Variants in CNTNAP5 observed in about 807,000 individuals in gnomAD.
CNTNAP5 encodes contactin associated protein family member 5.
CNTNAP5 carries 72 observed loss-of-function variants against 150.2 expected under a neutral mutation model. That is an observed-to-expected ratio of 0.48 (90% CI 0.40 to 0.58). The LOEUF is 0.58. Among genes scored for constraint, CNTNAP5 ranks in the 20% least tolerant of loss-of-function variants. The probability of loss-of-function intolerance (pLI) is 0.00; values close to 1 mark genes in which losing one functional copy is unlikely to be tolerated. For missense variants in CNTNAP5, 1,636 were observed against 1,626.2 expected (o/e 1.01, Z -0.10); for synonymous variants, 672 against 619.8 (o/e 1.08, Z -1.25).
At chr2:124,532,372 G>A (rs1454040763) in intron 10 of CNTNAP5, among the ~76,000 whole-genome samples, 2 of 152,154 alleles carry the variant, frequency 1.3e-5, no homozygotes, top group African/African-American at 4.8e-5. Flanking sequence ...GGGTCTGAGT[G>A]GAGTAAGGTG....
At chr2:124,224,212 A>G (rs1386152562) in intron 2 of CNTNAP5, among the ~76,000 whole-genome samples, 1 of 152,130 alleles carries the variant, frequency 6.6e-6, no homozygotes, top group Non-Finnish European at 1.5e-5. Context: ...CATTGGAGGA[A>G]TTCATGAGTA....
chr2:124,041,785 T>A (rs576466499), intron 1 of CNTNAP5, among the ~76,000 whole-genome samples: 8 of 152,236 alleles, frequency 5.3e-5, no homozygotes, highest in South Asian at 2.1e-4. Context: ...TAGCTCAAAA[T>A]GTGAAGATAA....
At chr2:124,611,639 C>T (rs1677386921) in intron 12 of CNTNAP5, among the ~76,000 whole-genome samples, 1 of 152,092 alleles carries the variant, frequency 6.6e-6, no homozygotes, top group Admixed American at 6.6e-5. Flanking sequence ...TTTCCCAGCC[C>T]CAGAAATTCC....
intron 22 of CNTNAP5, among the ~76,000 whole-genome samples, chr2:124,909,662 C>A (rs183474679): frequency 6.6e-6 from 1 of 150,756 alleles, no homozygotes; most frequent in African/African-American, 2.4e-5. Context: ...TTCTTTCTTT[C>A]CTCCTTGTCT....
At chr2:124,123,817 C>T (rs1047156891) in intron 1 of CNTNAP5, among the ~76,000 whole-genome samples, 2 of 152,154 alleles carry the variant, frequency 1.3e-5, no homozygotes, top group African/African-American at 4.8e-5. Flanking sequence ...CTCCAGCAAA[C>T]TCCAACAGAC....
intron 3 of CNTNAP5, among the ~76,000 whole-genome samples, chr2:124,262,417 G>C (rs183270771): frequency 6.6e-6 from 1 of 152,324 alleles, no homozygotes; most frequent in Admixed American, 6.5e-5. Context: ...ATACATAGTA[G>C]AGTTTTCTAT....
intron 3 of CNTNAP5, among the ~76,000 whole-genome samples, chr2:124,356,769 G>C (rs556838113): frequency 6.6e-6 from 1 of 151,410 alleles, no homozygotes; most frequent in African/African-American, 2.4e-5. Flanking sequence ...ATAAACATAC[G>C]TGTGCATGTG....
intron 7 of CNTNAP5, among the ~76,000 whole-genome samples, chr2:124,482,138 G>A (rs1346177574): frequency 1.3e-5 from 2 of 152,040 alleles, no homozygotes; most frequent in Non-Finnish European, 2.9e-5. Context: ...TTATGCTCTC[G>A]CACCTGCAGT....
At chr2:124,622,544 A>G (rs1677639532) in intron 12 of CNTNAP5, among the ~76,000 whole-genome samples, 2 of 152,124 alleles carry the variant, frequency 1.3e-5, no homozygotes, top group African/African-American at 4.8e-5. Flanking sequence ...GGGAATTGCC[A>G]CACTGTATTC....
intron 1 of CNTNAP5, among the ~76,000 whole-genome samples, chr2:124,073,018 C>T (rs747957073): frequency 1.6e-4 from 24 of 151,942 alleles, no homozygotes; most frequent in Non-Finnish European, 3.5e-4. Flanking sequence ...GACACATAGA[C>T]CAATGGAACA....
chr2:124,243,620 G>C (rs776429790), intron 3 of CNTNAP5, among the ~76,000 whole-genome samples: 14 of 152,028 alleles, frequency 9.2e-5, no homozygotes, highest in Non-Finnish European at 2.1e-4. Flanking sequence ...AGTATACATG[G>C]AAACAAAGAG....
intron 3 of CNTNAP5, among the ~76,000 whole-genome samples, chr2:124,391,459 A>G (rs1189030379): frequency 6.6e-6 from 1 of 152,198 alleles, no homozygotes; most frequent in African/African-American, 2.4e-5. Flanking sequence ...CTCAGGTAAT[A>G]AAAAGAAGAA....
At chr2:124,550,999 C>G (rs932657648) in intron 10 of CNTNAP5, among the ~76,000 whole-genome samples, 2 of 152,056 alleles carry the variant, frequency 1.3e-5, no homozygotes, top group Non-Finnish European at 2.9e-5. Context: ...AAGAACTGGC[C>G]TTTGAAGAAC....
At chr2:124,650,275 C>T (rs1678293784) in intron 13 of CNTNAP5, among the ~76,000 whole-genome samples, 1 of 152,182 alleles carries the variant, frequency 6.6e-6, no homozygotes, top group Non-Finnish European at 1.5e-5. Context: ...TTGGCTTCCA[C>T]CTCCAGACTA....
intron 3 of CNTNAP5, among the ~76,000 whole-genome samples, chr2:124,415,918 C>T (rs1257789423): frequency 6.6e-6 from 1 of 152,074 alleles, no homozygotes; most frequent in East Asian, 1.9e-4. Context: ...AAAAAAACCC[C>T]CCAATAATTT....
intron 3 of CNTNAP5, among the ~76,000 whole-genome samples, chr2:124,359,546 C>T (rs1248273512): frequency 1.4e-5 from 2 of 147,148 alleles, no homozygotes; most frequent in African/African-American, 5.1e-5. Flanking sequence ...TTATTTCTGC[C>T]TTCATTTCGT....
chr2:124,830,036 T>G (rs1334995023), intron 19 of CNTNAP5, among the ~76,000 whole-genome samples: 1 of 151,690 alleles, frequency 6.6e-6, no homozygotes, highest in African/African-American at 2.4e-5. Context: ...TTCTATGAAT[T>G]TATATATTTT....
intron 1 of CNTNAP5, among the ~76,000 whole-genome samples, chr2:124,145,812 T>TAAAAAAAAAAAAAAAAAAAAAAA: frequency 1.7e-4 from 11 of 64,182 alleles, no homozygotes; most frequent in Admixed American, 2.5e-4. Context: ...AAAAAAACAT[T>TAAAAAAAAAAAAAAAAAAAAAAA]AAAAAAAAAA....
intron 6 of CNTNAP5, among the ~76,000 whole-genome samples, chr2:124,457,381 AAATCTTCAC>A (rs1449638242): frequency 6.6e-6 from 1 of 152,258 alleles, no homozygotes; most frequent in African/African-American, 2.4e-5. Context: ...GAGTGGGAGA[AAATCTTCAC>A]AATCTTCACA....
Sources: gnomAD v4.1 joint callset for allele counts (sites outside exome capture counted in the v4.1 genomes callset) on GRCh38, gnomAD v4.1.1 for gene constraint, MANE v1.5 for transcripts, NCBI Gene and HGNC (gene_info 2026-07-23, HGNC 2026-07-21) for gene names.